The following NXPE2 variants were observed in gnomAD, a reference collection of about 807,000 sequenced individuals.
NXPE2 encodes NXPE family member 2.
A neutral mutation model predicts 34.4 loss-of-function variants in NXPE2; 34 were observed. That is an observed-to-expected ratio of 0.99 (90% CI 0.75 to 1.31). The LOEUF (loss-of-function observed/expected upper bound fraction) is 1.31, where lower values mean the gene tolerates loss of function less well. NXPE2 is among the 40% of genes most tolerant of loss of function. The pLI is 0.00. For missense variants in NXPE2, 649 were observed against 672.5 expected, an observed-to-expected ratio of 0.97 and a Z score of 0.39; for synonymous variants, 235 against 231.3, an observed-to-expected ratio of 1.02 and a Z score of -0.15.
chr11:114,601,829 T>C, the NXPE2 span, among the ~76,000 whole-genome samples: 5 of 70,554 alleles, frequency 7.1e-5, no homozygotes, highest in East Asian at 4.5e-4. Context: ...ATATAATATA[T>C]AATTATATAT....
At chr11:114,729,225 A>G in the NXPE2 span, among the ~76,000 whole-genome samples, 2 of 152,088 alleles carry the variant, frequency 1.3e-5, no homozygotes, top group Admixed American at 6.6e-5. Context: ...AGCTGCATTC[A>G]TGTTGCTGCA....
chr11:114,550,505 A>G, the NXPE2 span, among the ~76,000 whole-genome samples: 2 of 152,184 alleles, frequency 1.3e-5, no homozygotes, highest in Non-Finnish European at 2.9e-5. Flanking sequence ...GAAGATTAGG[A>G]TAATTGGAGA....
the NXPE2 span, among the ~76,000 whole-genome samples, chr11:114,644,413 T>C: frequency 6.6e-6 from 1 of 152,178 alleles, no homozygotes; most frequent in Non-Finnish European, 1.5e-5. Flanking sequence ...GCTCTTATTA[T>C]TTTGAGATAT....
chr11:114,587,397 G>A, the NXPE2 span, among the ~76,000 whole-genome samples: 7 of 152,182 alleles, frequency 4.6e-5, no homozygotes, highest in Non-Finnish European at 1.0e-4. Flanking sequence ...ATAGCAAATT[G>A]TACAGCTCAA....
At chr11:114,652,411 C>A in the NXPE2 span, among the ~76,000 whole-genome samples, 5 of 152,240 alleles carry the variant, frequency 3.3e-5, no homozygotes, top group East Asian at 9.7e-4. Flanking sequence ...ATTCAGTGTC[C>A]AGAGTGAGAT....
the NXPE2 span, among the ~76,000 whole-genome samples, chr11:114,485,932 G>T: frequency 6.6e-6 from 1 of 152,122 alleles, no homozygotes; most frequent in African/African-American, 2.4e-5. Context: ...CTAACTTTTG[G>T]CTATTGTGCT....
chr11:114,750,541 C>T, the NXPE2 span, among the ~76,000 whole-genome samples: 1 of 152,168 alleles, frequency 6.6e-6, no homozygotes, highest in Admixed American at 6.5e-5. Context: ...TCTTAAATTT[C>T]CCCATTTCCT....
At chr11:114,562,735 T>C in the NXPE2 span, among the ~76,000 whole-genome samples, 2 of 152,172 alleles carry the variant, frequency 1.3e-5, no homozygotes, top group African/African-American at 4.8e-5. Flanking sequence ...ACTTAATGAC[T>C]CATATGAGTG....
At chr11:114,479,898 G>A in the NXPE2 span, among the ~76,000 whole-genome samples, 1 of 152,194 alleles carries the variant, frequency 6.6e-6, no homozygotes, top group African/African-American at 2.4e-5. Flanking sequence ...TGACGAGGGG[G>A]TCAGGAAGCT....
At chr11:114,580,366 T>G in the NXPE2 span, 5 of 1,590,636 alleles carry the variant, frequency 3.1e-6, no homozygotes, top group Non-Finnish European at 4.3e-6. Context: ...AGATAGGATC[T>G]TCCAAAACAT....
downstream of NXPE2, among the ~76,000 whole-genome samples, chr11:114,708,413 A>G (rs1328441151): frequency 1.1e-4 from 17 of 152,178 alleles, no homozygotes; most frequent in Admixed American, 1.1e-3. Context: ...TTAGAAAGAT[A>G]TACACCCTTT....
At chr11:114,521,679 A>C in the NXPE2 span, 1 of 318,942 alleles carries the variant, frequency 3.1e-6, no homozygotes, top group Non-Finnish European at 5.7e-6. Context: ...AAGCATCATG[A>C]ATTTGTACAG....
chr11:114,763,844 G>C, the NXPE2 span, among the ~76,000 whole-genome samples: 1 of 151,928 alleles, frequency 6.6e-6, no homozygotes, highest in East Asian at 1.9e-4. Flanking sequence ...TTTTTGGTAG[G>C]GTATGAAGAG....
chr11:114,509,937 AG>A, the NXPE2 span, among the ~76,000 whole-genome samples: 1 of 152,230 alleles, frequency 6.6e-6, no homozygotes. Flanking sequence ...AAGTTAAAAA[AG>A]AGTAAGAGTC....
the NXPE2 span, among the ~76,000 whole-genome samples, chr11:114,743,949 G>A: frequency 6.6e-6 from 1 of 151,234 alleles, no homozygotes; most frequent in Non-Finnish European, 1.5e-5. Context: ...ATTTATATAT[G>A]CATATATATG....
chr11:114,732,343 C>A, the NXPE2 span, among the ~76,000 whole-genome samples: 6 of 152,298 alleles, frequency 3.9e-5, no homozygotes, highest in Admixed American at 3.9e-4. Context: ...CCTCCTATTA[C>A]CTTCAGAGCT....
the NXPE2 span, among the ~76,000 whole-genome samples, chr11:114,616,408 G>A: frequency 1.7e-4 from 26 of 149,588 alleles, 2 homozygotes; most frequent in South Asian, 4.2e-4. Flanking sequence ...GTGGGTAACC[G>A]GTGTTACCTG....
the NXPE2 span, among the ~76,000 whole-genome samples, chr11:114,655,341 T>G: frequency 2.6e-5 from 4 of 152,256 alleles, no homozygotes; most frequent in African/African-American, 7.2e-5. Flanking sequence ...AGATCCCATT[T>G]GTCAATTTTC....
At chr11:114,467,967 A>G in the NXPE2 span, among the ~76,000 whole-genome samples, 5 of 151,940 alleles carry the variant, frequency 3.3e-5, no homozygotes, top group African/African-American at 1.2e-4. Context: ...AAACAAAAAA[A>G]CAGATCCCTA....
Sources: gnomAD v4.1 joint callset for allele counts (sites outside exome capture counted in the v4.1 genomes callset) on GRCh38, gnomAD v4.1.1 for gene constraint, MANE v1.5 for transcripts, NCBI Gene and HGNC (gene_info 2026-07-23, HGNC 2026-07-21) for gene names.